Variants in FHIT observed in about 807,000 individuals in gnomAD.
FHIT encodes fragile histidine triad diadenosine triphosphatase, also known as bis(5'-adenosyl)-triphosphatase.
A neutral mutation model predicts 17.9 loss-of-function variants in FHIT; 19 were observed. The ratio of observed to expected loss-of-function variants is 1.06; its 90% CI spans 0.74 to 1.56. FHIT has a LOEUF of 1.56. FHIT is among the 40% of genes most tolerant of loss of function. FHIT has a pLI of 0.00. For synonymous variants in FHIT, 81 were observed against 69.7 expected (o/e 1.16, Z -0.81); for missense variants, 248 against 189.2 (o/e 1.31, Z -1.82).
At chr3:60,716,403 CT>C (rs1162083619) in intron 4 of FHIT, among the ~76,000 whole-genome samples, 1 of 151,822 alleles carries the variant, frequency 6.6e-6, no homozygotes, top group South Asian at 2.1e-4. Context: ...TTTTTTTAAA[CT>C]TTTTTTTGTT....
chr3:60,327,959 G>C (rs1314658576), intron 5 of FHIT, among the ~76,000 whole-genome samples: 1 of 152,148 alleles, frequency 6.6e-6, no homozygotes, highest in Non-Finnish European at 1.5e-5. Flanking sequence ...GCAAGGGGAG[G>C]CCACAGTGAT....
chr3:60,852,933 A>G (rs1384867129), intron 3 of FHIT, among the ~76,000 whole-genome samples: 1 of 152,162 alleles, frequency 6.6e-6, no homozygotes, highest in Non-Finnish European at 1.5e-5. Context: ...GCTTATACAT[A>G]TAAACATATA....
intron 5 of FHIT, among the ~76,000 whole-genome samples, chr3:60,114,489 C>CTTTTTTTTT (rs1576129465): frequency 1.3e-3 from 77 of 61,576 alleles, no homozygotes; most frequent in Admixed American, 1.9e-3. Context: ...AAGAGAAATC[C>CTTTTTTTTT]TTTTTTTTTT....
At chr3:60,206,735 T>C (rs1007075051) in intron 5 of FHIT, among the ~76,000 whole-genome samples, 2 of 152,178 alleles carry the variant, frequency 1.3e-5, no homozygotes, top group African/African-American at 4.8e-5. Flanking sequence ...CATTTCTAAG[T>C]GGACAGGCTA....
At chr3:60,309,926 G>C (rs914240579) in intron 5 of FHIT, among the ~76,000 whole-genome samples, 1 of 151,888 alleles carries the variant, frequency 6.6e-6, no homozygotes, top group African/African-American at 2.4e-5. Flanking sequence ...TTAATCACAC[G>C]TGCTTTCAGT....
chr3:60,093,626 G>A (rs533411575), intron 5 of FHIT, among the ~76,000 whole-genome samples: 1 of 152,166 alleles, frequency 6.6e-6, no homozygotes, highest in African/African-American at 2.4e-5. Flanking sequence ...TGGCGGGTGA[G>A]CAAGCATTAC....
chr3:60,418,319 A>G (rs1453092379), intron 5 of FHIT, among the ~76,000 whole-genome samples: 2 of 147,010 alleles, frequency 1.4e-5, no homozygotes, highest in African/African-American at 5.0e-5. Flanking sequence ...GTCATGCTAT[A>G]TTCATACATT....
At chr3:60,518,029 C>T (rs2035223970) in intron 5 of FHIT, among the ~76,000 whole-genome samples, 1 of 151,646 alleles carries the variant, frequency 6.6e-6, no homozygotes, top group Non-Finnish European at 1.5e-5. Context: ...AGTGGACTAG[C>T]AAAATAAAAA....
At chr3:60,404,608 C>G (rs1248213817) in intron 5 of FHIT, among the ~76,000 whole-genome samples, 1 of 152,180 alleles carries the variant, frequency 6.6e-6, no homozygotes, top group Non-Finnish European at 1.5e-5. Flanking sequence ...ACTGCTCTTA[C>G]ATTTGATTCT....
At chr3:60,487,575 G>A (rs1313507818) in intron 5 of FHIT, among the ~76,000 whole-genome samples, 2 of 152,164 alleles carry the variant, frequency 1.3e-5, no homozygotes, top group Non-Finnish European at 2.9e-5. Context: ...GTACAGTTAT[G>A]TATACTTCAA....
chr3:59,930,135 A>G (rs1446134404), intron 7 of FHIT, among the ~76,000 whole-genome samples: 1 of 152,220 alleles, frequency 6.6e-6, no homozygotes, highest in Non-Finnish European at 1.5e-5. Context: ...GTATTCATAC[A>G]CCAACTTTTG....
At chr3:59,918,241 A>G (rs1223313677) in intron 8 of FHIT, among the ~76,000 whole-genome samples, 15 of 152,048 alleles carry the variant, frequency 9.9e-5, no homozygotes, top group Non-Finnish European at 1.2e-4. Flanking sequence ...GTGTTCATTC[A>G]TTTTCAAATA....
At chr3:61,066,528 T>A (rs2034616344) in intron 2 of FHIT, among the ~76,000 whole-genome samples, 1 of 152,150 alleles carries the variant, frequency 6.6e-6, no homozygotes, top group African/African-American at 2.4e-5. Context: ...GGCAGGAGAA[T>A]TGCTTGAACC....
chr3:61,210,317 C>G (rs2039418619), intron 1 of FHIT, among the ~76,000 whole-genome samples: 1 of 152,226 alleles, frequency 6.6e-6, no homozygotes, highest in South Asian at 2.1e-4. Context: ...GGGAGAACCA[C>G]TACTCTCTTC....
intron 4 of FHIT, among the ~76,000 whole-genome samples, chr3:60,814,995 G>A (rs941718843): frequency 6.6e-6 from 1 of 150,680 alleles, no homozygotes; most frequent in African/African-American, 2.4e-5. Context: ...TGATGATTAG[G>A]GACAATGAGC....
chr3:60,821,527 C>T (rs1701929390), intron 4 of FHIT, among the ~76,000 whole-genome samples: 1 of 152,102 alleles, frequency 6.6e-6, no homozygotes, highest in African/African-American at 2.4e-5. Context: ...AACATAACAA[C>T]CTGACTTTGT....
chr3:60,427,807 C>A (rs1702729101), intron 5 of FHIT, among the ~76,000 whole-genome samples: 3 of 152,102 alleles, frequency 2.0e-5, no homozygotes, highest in African/African-American at 7.2e-5. Context: ...CTACCAAACT[C>A]CTCATTTGAT....
At chr3:60,206,715 A>G (rs981347127) in intron 5 of FHIT, among the ~76,000 whole-genome samples, 1 of 152,070 alleles carries the variant, frequency 6.6e-6, no homozygotes, top group African/African-American at 2.4e-5. Flanking sequence ...GAAAATGCCA[A>G]CTCGGTAAGC....
intron 5 of FHIT, among the ~76,000 whole-genome samples, chr3:60,518,110 T>C (rs931498088): frequency 2.0e-5 from 3 of 152,096 alleles, no homozygotes; most frequent in Non-Finnish European, 4.4e-5. Context: ...TCAGGATAGA[T>C]TTTGCATAAA....
Sources: allele counts gnomAD v4.1 joint callset (sites outside exome capture counted in the v4.1 genomes callset), GRCh38; gene constraint gnomAD v4.1.1; transcripts MANE v1.5; gene names NCBI Gene and HGNC (gene_info 2026-07-23, HGNC 2026-07-21).